The following DSCAML1 variants were observed in gnomAD, a reference collection of about 807,000 sequenced individuals.
DSCAML1 encodes the protein cell adhesion molecule DSCAML1.
Under a neutral mutation model 200.5 loss-of-function variants are expected in DSCAML1, and 38 were observed. The observed-to-expected ratio is 0.19, with a 90% confidence interval of 0.15 to 0.25. The LOEUF is 0.25. Ranked by LOEUF, DSCAML1 falls within the 10% of genes least tolerant of loss-of-function variation. The pLI, the probability that DSCAML1 is intolerant of heterozygous loss-of-function variation, is 1.00. For synonymous variants in DSCAML1, 1,215 were observed against 1,165.0 expected, an observed-to-expected ratio of 1.04 and a Z score of -0.87; for missense variants, 2,223 against 2,858.8, an observed-to-expected ratio of 0.78 and a Z score of 5.07.
In DSCAML1 at chr11:117,435,700, G is replaced by T. The variant is rs1396492962; in HGVS notation, c.4820C>A (p.Ala1607Glu). The change falls in exon 27 of 33, where the codon GCA becomes GAA. Residue 1607 changes from alanine (A) to glutamate (E), a missense_variant. Ala to Glu is a moderately radical substitution (Grantham distance 107). Transcript: ENST00000651296. ...CPVILATLGV[A>E]LLFIVRKKRK... is the part of the protein sequence containing the mutation. ...CTTCTTGCGTACGATGAAGAGCAGT[G>T]CCACCCCCAGTGTGGCCAGGATGAC... The T allele has an allele frequency of 6.2e-7, 1 of 1,612,928 alleles. No individual in the cohort carries two copies. The highest frequency in any genetic ancestry group is 1.1e-5 in the South Asian group (1 of 90,944).
rs202195506 is a variant in DSCAML1 at position 117,480,403 on chromosome 11, A to G, written c.2785+40T>C. The G allele has an allele frequency of 1.9e-3, 3,100 of 1,610,282 alleles. 8 individuals are homozygous for G. Among genetic ancestry groups the G allele is most frequent in the Non-Finnish European group, 2.5e-3 (2,904 of 1,178,440 alleles). ...GGCAGGACACGTGGCACAAGGGGCCATGGCAGGCCACGCTGTCACCCTCCT... is the reference window on the plus strand; with the variant it reads ...GGCAGGACACGTGGCACAAGGGGCCGTGGCAGGCCACGCTGTCACCCTCCT... On this transcript the variant is annotated intron_variant, in intron 14 of 32. Transcript: ENST00000651296. The surrounding 1 kb of genome is among the most constrained non-coding windows in gnomAD (Gnocchi z 4.1).
chr11:117,708,121 C>A (rs1459775392), intron 3 of DSCAML1, among the ~76,000 whole-genome samples: 1 of 152,198 alleles, frequency 6.6e-6, no homozygotes, highest in Admixed American at 6.5e-5. Context: ...CTGTACCCCC[C>A]ACACACCATA....
intron 3 of DSCAML1, among the ~76,000 whole-genome samples, chr11:117,646,022 C>A (rs913304013): frequency 6.6e-6 from 1 of 152,004 alleles, no homozygotes; most frequent in African/African-American, 2.4e-5. Context: ...GTATTAGCTG[C>A]GATATGGTTA....
At position 117,455,739 on chromosome 11, in the gene DSCAML1, T is replaced by C. The variant is rs927182302; in HGVS notation, c.3568+3015A>G. 3.3e-5 allele frequency among the ~76,000 whole-genome samples: 5 copies of C among 152,236 alleles called. No homozygotes were observed. In the South Asian group the frequency reaches 1.0e-3, roughly 32 times the overall value. Reference sequence around the variant, plus strand: ...ATGAGGATATTTGCAAAAGCTCCCATACCAGGGCTGGACTTGGACCACAGA... The same window carrying C: ...ATGAGGATATTTGCAAAAGCTCCCACACCAGGGCTGGACTTGGACCACAGA... On this transcript the variant is annotated intron_variant, in intron 19 of 32. Transcript: ENST00000651296.
intron 14 of DSCAML1, among the ~76,000 whole-genome samples, chr11:117,472,700 T>G (rs114714156): frequency 0.014 from 2,180 of 152,270 alleles, 62 homozygotes; most frequent in African/African-American, 0.05. Flanking sequence ...AGACTGGTAG[T>G]CTATCTCACG....
chr11:117,780,286 AAG>A lies in DSCAML1; in HGVS notation c.364+205_364+206del, dbSNP rs1238445257. ...AAAGAAAGAAAGAAAGAAAGAAAGA[AAG>A]AAAGAAAGAAAGAAAGAGAGAAAGG... On this transcript the variant is annotated intron_variant, in intron 2 of 32. Coordinates refer to ENST00000651296, the MANE Select transcript of DSCAML1 (RefSeq NM_020693.4). The surrounding 1 kb of genome is among the most constrained non-coding windows in gnomAD (Gnocchi z 4.8). Among the ~76,000 whole-genome samples the A allele has an allele frequency of 2.1e-5, 2 of 96,762 alleles. No homozygotes were observed. Among genetic ancestry groups the A allele is most frequent in the African/African-American group, 6.4e-5 (2 of 31,254 alleles). The allele number at this position is 96,762 out of a possible 152,430, so 63.5% of individuals were successfully genotyped here.
At chr11:117,546,759 T>A (rs2050379872) in intron 3 of DSCAML1, among the ~76,000 whole-genome samples, 1 of 152,094 alleles carries the variant, frequency 6.6e-6, no homozygotes, top group Non-Finnish European at 1.5e-5. Context: ...GTTCTCTCTC[T>A]CCCCGAATCC....
At chr11:117,661,960 C>A (rs35922515) in intron 3 of DSCAML1, among the ~76,000 whole-genome samples, 6,078 of 152,276 alleles carry the variant, frequency 0.04, 170 homozygotes, top group African/African-American at 0.07. Context: ...GACACCAGTA[C>A]CCAAACTCTG....
At chr11:117,649,041 A>ATGTGTGTGTGTG (rs58257943) in intron 3 of DSCAML1, among the ~76,000 whole-genome samples, 5 of 137,932 alleles carry the variant, frequency 3.6e-5, no homozygotes, top group South Asian at 4.7e-4. Flanking sequence ...CTCCATATAT[A>ATGTGTGTGTGTG]TGTGTGTGTG....
chr11:117,746,221 C>CAAA (rs34362262), intron 3 of DSCAML1, among the ~76,000 whole-genome samples: 13,725 of 66,352 alleles, frequency 0.21, 4,169 homozygotes, highest in East Asian at 0.26. Context: ...GACTCTGTCT[C>CAAA]AAAAAAAAAA....
chr11:117,528,882 A>G (rs947368660), intron 4 of DSCAML1, among the ~76,000 whole-genome samples: 1 of 152,138 alleles, frequency 6.6e-6, no homozygotes, highest in African/African-American at 2.4e-5. Context: ...TATTCTTGCA[A>G]CTGCCTCTGC....
intron 3 of DSCAML1, among the ~76,000 whole-genome samples, chr11:117,587,551 G>A (rs1489657807): frequency 1.3e-5 from 2 of 152,082 alleles, no homozygotes; most frequent in South Asian, 2.1e-4. Context: ...CAGACGCGGG[G>A]ACTGCCCAGA....
At chr11:117,459,087 C>T (rs950013375) in intron 18 of DSCAML1, among the ~76,000 whole-genome samples, 178 bp from the exon 19 acceptor site, 5 of 152,200 alleles carry the variant, frequency 3.3e-5, no homozygotes, top group African/African-American at 9.6e-5. Flanking sequence ...CGGGCCACTG[C>T]CCCCAGGCCA....
chr11:117,502,289 C>T (rs113186723), intron 11 of DSCAML1, among the ~76,000 whole-genome samples: 4 of 152,144 alleles, frequency 2.6e-5, no homozygotes, highest in Admixed American at 6.5e-5. Flanking sequence ...GCCACAGAGC[C>T]GGCAGCTCAG....
rs752782824 is a variant in DSCAML1 at position 117,439,475 on chromosome 11, T to C, written c.3981-46A>G. ...GCGGGTGGGTCATGTCAAGCACCCC[T>C]TCCTCCTGAGGCCCTCCCCCCGGTG... On this transcript the variant is annotated intron_variant, in intron 22 of 32. Coordinates refer to ENST00000651296, the MANE Select transcript of DSCAML1 (RefSeq NM_020693.4). The C allele has an allele frequency of 1.1e-5, 17 of 1,587,600 alleles. No homozygotes were observed. In the East Asian group the frequency reaches 3.6e-4, roughly 34 times the overall value.
intron 1 of DSCAML1, among the ~76,000 whole-genome samples, chr11:117,783,899 G>A (rs2055305996): frequency 1.3e-5 from 2 of 151,950 alleles, no homozygotes; most frequent in South Asian, 4.2e-4. Flanking sequence ...CACTCTCCCT[G>A]CCTCCTGAGA....
At chr11:117,778,323 T>G (rs13377577) in intron 2 of DSCAML1, among the ~76,000 whole-genome samples, 5,565 of 152,202 alleles carry the variant, frequency 0.037, 333 homozygotes, top group African/African-American at 0.13. Context: ...ACAAGGGGAA[T>G]GGACCCTGGA....
At chr11:117,674,404 G>A (rs751169055) in intron 3 of DSCAML1, among the ~76,000 whole-genome samples, 1 of 152,128 alleles carries the variant, frequency 6.6e-6, no homozygotes, top group Non-Finnish European at 1.5e-5. Flanking sequence ...TCTACAGCAA[G>A]GTAAGGGAGT....
intron 3 of DSCAML1, among the ~76,000 whole-genome samples, chr11:117,558,718 A>G (rs1432352412): frequency 6.6e-6 from 1 of 152,228 alleles, no homozygotes; most frequent in African/African-American, 2.4e-5. Context: ...AGCTCCCCGA[A>G]AAAGAAATTC....
Sources: allele counts gnomAD v4.1 joint callset (sites outside exome capture counted in the v4.1 genomes callset), GRCh38; gene constraint gnomAD v4.1.1; non-coding constraint Gnocchi (gnomAD v3.1); transcripts MANE v1.5; gene names NCBI Gene and HGNC (gene_info 2026-07-23, HGNC 2026-07-21).